The following TRDN variants were observed in gnomAD, a reference collection of about 807,000 sequenced individuals.
The protein encoded by TRDN is triadin in skeletal muscle.
TRDN carries 161 observed loss-of-function variants against 149.7 expected under a neutral mutation model. The observed-to-expected ratio is 1.08, with a 90% CI of 0.95 to 1.23. The LOEUF (loss-of-function observed/expected upper bound fraction) is 1.23, where lower values mean the gene tolerates loss of function less well. TRDN is among the 50% of genes most tolerant of loss of function. TRDN has a pLI of 0.00. For synonymous variants in TRDN, 294 were observed against 250.5 expected, an observed-to-expected ratio of 1.17 and a Z score of -1.64; for missense variants, 896 against 823.5, an observed-to-expected ratio of 1.09 and a Z score of -1.08.
rs1208707769 is a variant in TRDN at position 123,255,126 on chromosome 6, CTG to C, written c.1907-3_1907-2del. ...TGAAGACTTTCTTTTCTTGTTGAGA[CTG>C]TTAATAAGGAAAATGTAAATTAAAA... On this transcript the variant is annotated splice_acceptor_variant and splice_polypyrimidine_tract_variant and intron_variant, in intron 36 of 40. Coordinates refer to ENST00000334268, the MANE Select transcript of TRDN (RefSeq NM_006073.4). LOFTEE classifies it high-confidence loss of function. 6 of 1,314,596 alleles carry C rather than the reference CTG, an allele frequency of 4.6e-6. No individual in the cohort carries two copies. The African/African-American group carries it at 8.9e-5, about 19-fold the overall frequency. 81.4% of individuals were successfully genotyped at this position (1,314,596 alleles called of 1,614,324 possible).
chr6:123,461,763 T>G (rs975517303), intron 10 of TRDN, among the ~76,000 whole-genome samples: 1 of 152,184 alleles, frequency 6.6e-6, no homozygotes, highest in African/African-American at 2.4e-5. Context: ...GCAGAGATGC[T>G]GAAAAACATT....
intron 8 of TRDN, among the ~76,000 whole-genome samples, chr6:123,499,063 T>A (rs1778571796): frequency 6.6e-6 from 1 of 152,172 alleles, no homozygotes; most frequent in Admixed American, 6.5e-5. Context: ...TAGACTGCAT[T>A]TACAGAATCA....
intron 12 of TRDN, among the ~76,000 whole-genome samples, chr6:123,417,148 A>G (rs1773690612): frequency 6.6e-6 from 1 of 152,212 alleles, no homozygotes; most frequent in Non-Finnish European, 1.5e-5. Flanking sequence ...GGATTTGCAT[A>G]CCACCAAGGT....
intron 40 of TRDN, 57 bp downstream of exon 40, chr6:123,221,430 G>A: frequency 7.8e-7 from 1 of 1,286,688 alleles, no homozygotes; most frequent in African/African-American, 1.5e-5. Context: ...TTTTTACATA[G>A]ATGTAGCATC....
chr6:123,433,265 C>G (rs372797413), intron 12 of TRDN, among the ~76,000 whole-genome samples: 1 of 149,886 alleles, frequency 6.7e-6, no homozygotes, highest in Non-Finnish European at 1.5e-5. Flanking sequence ...CTCAGAGAGG[C>G]CTGCTCTAAT....
intron 12 of TRDN, among the ~76,000 whole-genome samples, chr6:123,423,840 C>G (rs758734919): frequency 8.5e-5 from 13 of 152,102 alleles, no homozygotes; most frequent in Admixed American, 7.2e-4. Flanking sequence ...CTTGCACTCA[C>G]TCAAATTACC....
intron 2 of TRDN, among the ~76,000 whole-genome samples, chr6:123,551,331 C>G (rs944558160): frequency 7.7e-6 from 1 of 129,738 alleles, no homozygotes; most frequent in Non-Finnish European, 1.6e-5. Context: ...CCACTTCTTC[C>G]AAAACCTAAA....
At chr6:123,229,289 G>T (rs1775504748) in intron 38 of TRDN, among the ~76,000 whole-genome samples, 1 of 151,762 alleles carries the variant, frequency 6.6e-6, no homozygotes, top group Non-Finnish European at 1.5e-5. Context: ...CTGACACAAG[G>T]GTTCTTAAAT....
At chr6:123,500,140 TG>T (rs1295894584) in intron 8 of TRDN, among the ~76,000 whole-genome samples, 4 of 152,150 alleles carry the variant, frequency 2.6e-5, no homozygotes, top group Admixed American at 6.6e-5. Flanking sequence ...ATTCAGAGGA[TG>T]TTTTTTAACT....
chr6:123,323,390 A>G (rs146290201), intron 23 of TRDN, among the ~76,000 whole-genome samples: 2 of 152,268 alleles, frequency 1.3e-5, no homozygotes, highest in East Asian at 3.9e-4. Flanking sequence ...ATAGACACAC[A>G]CACAAGCACA....
chr6:123,253,531 A>T (rs1312160990), intron 37 of TRDN, among the ~76,000 whole-genome samples: 1 of 152,126 alleles, frequency 6.6e-6, no homozygotes, highest in Non-Finnish European at 1.5e-5. Flanking sequence ...TTTCACTAAG[A>T]CTAACATGTT....
At chr6:123,306,888 G>C (rs1778630798) in intron 24 of TRDN, among the ~76,000 whole-genome samples, 1 of 144,166 alleles carries the variant, frequency 6.9e-6, no homozygotes, top group Non-Finnish European at 1.5e-5. Flanking sequence ...TTTTATAAAG[G>C]GGTAAAGAAA....
At chr6:123,295,409 T>A (rs1169136195) in intron 24 of TRDN, among the ~76,000 whole-genome samples, 4 of 152,220 alleles carry the variant, frequency 2.6e-5, no homozygotes, top group Admixed American at 6.5e-5. Context: ...GCTATTTTTA[T>A]GTACCTTTGG....
intron 22 of TRDN, among the ~76,000 whole-genome samples, chr6:123,335,819 C>A (rs1232595383): frequency 6.6e-6 from 1 of 151,898 alleles, no homozygotes; most frequent in East Asian, 1.9e-4. Flanking sequence ...TTCCATATGA[C>A]AATGGAAGAA....
chr6:123,377,291 A>G (rs1237807594), intron 18 of TRDN, among the ~76,000 whole-genome samples: 1 of 152,230 alleles, frequency 6.6e-6, no homozygotes, highest in Non-Finnish European at 1.5e-5. Context: ...TTAAAAACAA[A>G]GCGATGTATA....
At chr6:123,517,492 A>G (rs888084934) in intron 5 of TRDN, among the ~76,000 whole-genome samples, 3 of 152,116 alleles carry the variant, frequency 2.0e-5, no homozygotes, top group Non-Finnish European at 4.4e-5. Flanking sequence ...ACTGCTTAGT[A>G]TGGTATCTGT....
chr6:123,491,695 T>G (rs914939543), intron 9 of TRDN, among the ~76,000 whole-genome samples: 7 of 152,232 alleles, frequency 4.6e-5, no homozygotes, highest in African/African-American at 1.7e-4. Context: ...TTACCTCTTT[T>G]CTGGACCACC....
chr6:123,507,376 C>T (rs945850428), intron 7 of TRDN, among the ~76,000 whole-genome samples: 33 of 151,778 alleles, frequency 2.2e-4, no homozygotes, highest in Non-Finnish European at 4.4e-5. Flanking sequence ...ACATATATAG[C>T]CAACTCATTA....
In TRDN at chr6:123,216,810, CA is replaced by C. The variant is rs1398594470; in HGVS notation, c.*1790del. On this transcript the variant is annotated 3_prime_UTR_variant, in exon 41 of 41. Transcript: ENST00000334268. ...TTTATTATATTTTTCTTGTACAATA[CA>C]GCACCTAACACAGCGCCCTAAAAGA... The C allele has an allele frequency of 1.3e-5, 2 of 151,892 alleles. No individual in the cohort carries two copies. The highest frequency in any genetic ancestry group is 4.8e-5 in the African/African-American group (2 of 41,400). The allele number at this position is 151,892 out of a possible 1,614,324, so 9.4% of individuals were successfully genotyped here.
Sources: gnomAD v4.1 joint callset for allele counts (sites outside exome capture counted in the v4.1 genomes callset) on GRCh38, gnomAD v4.1.1 for gene constraint, MANE v1.5 for transcripts, NCBI Gene and HGNC (gene_info 2026-07-23, HGNC 2026-07-21) for gene names.